NCAPG: variants seen among roughly 807,000 people sequenced by gnomAD.
NCAPG encodes the protein condensin complex subunit 3.
A neutral mutation model predicts 113.1 loss-of-function variants in NCAPG; 69 were observed. The ratio of observed to expected loss-of-function variants is 0.61; its 90% CI spans 0.50 to 0.75. The LOEUF (loss-of-function observed/expected upper bound fraction) is 0.75, where lower values mean the gene tolerates loss of function less well. Among genes scored for constraint, NCAPG ranks in the 30% least tolerant of loss-of-function variants. NCAPG has a pLI of 0.00. For missense variants in NCAPG, 1,058 were observed against 1,177.0 expected (o/e 0.90, Z 1.48); for synonymous variants, 370 against 415.8 (o/e 0.89, Z 1.34).
At chr4:17,834,225 TATTA>T (rs1244348841) in intron 13 of NCAPG, 70 bp from the exon 14 acceptor site, 19 of 955,984 alleles carry the variant, frequency 2.0e-5, no homozygotes, top group South Asian at 4.1e-5. Flanking sequence ...ACAAGATACA[TATTA>T]ATTTTATGTA....
In NCAPG at chr4:17,811,036, G is replaced by T. The variant is rs752136493; in HGVS notation, c.-42G>T. The T allele has an allele frequency of 5.3e-6, 7 of 1,320,272 alleles. No individual in the cohort carries two copies. The South Asian group carries it at 7.4e-5, about 14-fold the overall frequency. 81.8% of individuals were successfully genotyped at this position (1,320,272 alleles called of 1,614,324 possible). ...TGGGTTGGCGGGCTGGCAGGCTGTA[G>T]CCGAGCGCGGGCAGGACTCGTCCCG... On this transcript the variant is annotated 5_prime_UTR_variant, in exon 1 of 21. Transcript: ENST00000251496. This position sits in a 1 kb window ranked among gnomAD's most constrained non-coding sequence, Gnocchi z 5.3.
Position 17,843,378 on chromosome 4 carries a change from A to AAAAGT in NCAPG, c.3005_3009dup (p.Leu1004ValfsTer13). 2 of 1,612,162 alleles carry AAAAGT rather than the reference A, an allele frequency of 1.2e-6. No individual in the cohort carries two copies. Among genetic ancestry groups the AAAAGT allele is most frequent in the Non-Finnish European group, 1.7e-6 (2 of 1,178,394 alleles). On this transcript the variant is annotated frameshift_variant, in exon 21 of 21. Transcript: ENST00000251496. LOFTEE classifies it high-confidence loss of function. ...ACGAGCCAAAACCGCAGCACTAGAA[A>AAAAGT]AAAGTAAACTTAACCTTGCCCAATT... is the stretch of plus-strand genomic sequence containing the variant.
At chr4:17,828,865 G>A (rs1022613896) in intron 12 of NCAPG, among the ~76,000 whole-genome samples, 4 of 151,258 alleles carry the variant, frequency 2.6e-5, no homozygotes, top group African/African-American at 9.7e-5. Context: ...TTCTGATAAG[G>A]AATATAGTGC....
In NCAPG at chr4:17,837,709, G is replaced by A. The variant is rs751787589; in HGVS notation, c.2374G>A (p.Glu792Lys). 7 of 1,614,008 alleles carry A rather than the reference G, an allele frequency of 4.3e-6. No individual in the cohort carries two copies. The Admixed American group carries it at 1.2e-4, about 27-fold the overall frequency. Residue 792 changes from glutamate to lysine, a missense_variant, in exon 16 of 21, where the codon GAA becomes AAA. Physicochemically the swap from Glu to Lys is moderately conservative, Grantham distance 56 (BLOSUM62 1). Transcript: ENST00000251496. Reference protein sequence around the residue: ...ANAPASSPLAEIDITNVAELL... With the variant: ...ANAPASSPLAKIDITNVAELL... ...TGCCCCTGCATCTTCTCCTTTAGCT[G>A]AAATTGATATCACAAATGTTGCTGA...
chr4:17,813,600 A>C (rs1393148798), intron 3 of NCAPG, among the ~76,000 whole-genome samples: 1 of 151,924 alleles, frequency 6.6e-6, no homozygotes, highest in Non-Finnish European at 1.5e-5. Context: ...TGCATTCTTT[A>C]TATATTTTGA....
intron 6 of NCAPG, among the ~76,000 whole-genome samples, chr4:17,817,731 A>C (rs1721272412): frequency 6.6e-6 from 1 of 152,214 alleles, no homozygotes; most frequent in African/African-American, 2.4e-5. Context: ...AAAATCCAGC[A>C]ACATGCACCC....
rs1321199559 is a variant in NCAPG, at chr4:17,818,087, A to C, written c.1117A>C (p.Ser373Arg). 6.9e-6 allele frequency: 11 copies of C among 1,593,702 alleles called. No homozygotes were observed. The highest frequency in any genetic ancestry group is 8.5e-6 in the Non-Finnish European group (10 of 1,172,760). ...TGTAGTATATGCAGACTATTTATTGAGGTAAATTTTTTTTCTTTTAGTTTG... is the reference window on the plus strand; with the variant it reads ...TGTAGTATATGCAGACTATTTATTGCGGTAAATTTTTTTTCTTTTAGTTTG... ...EPVVYADYLLSYIQSIPVVNE... is the reference protein window; with the variant it reads ...EPVVYADYLLRYIQSIPVVNE... The change falls in exon 7 of 21, where the codon AGT (serine) becomes CGT (arginine). Residue 373 changes from serine (S) to arginine (R), a missense_variant and splice_region_variant. Physicochemically the swap from Ser to Arg is moderately radical, Grantham distance 110. Transcript: ENST00000251496.
At chr4:17,828,700 A>G (rs1276249057) in intron 12 of NCAPG, among the ~76,000 whole-genome samples, 2 of 152,110 alleles carry the variant, frequency 1.3e-5, no homozygotes, top group Non-Finnish European at 2.9e-5. Flanking sequence ...AAGAATATTT[A>G]AGTACTGGAA....
Position 17,811,187 on chromosome 4 carries a change from C to A in NCAPG, c.110C>A (p.Thr37Lys), listed in dbSNP as rs1463254514. 9 of 1,473,590 alleles carry A rather than the reference C, an allele frequency of 6.1e-6. No homozygotes were observed. In the South Asian group the frequency reaches 6.5e-5, roughly 11 times the overall value. The allele number at this position is 1,473,590 out of a possible 1,614,324, so 91.3% of individuals were successfully genotyped here. A position where few individuals can be genotyped will look rare whatever the true frequency, so the allele number is the denominator to read the frequency against. Reference sequence around the variant, plus strand: ...GTGGCGCTGAGCCGCACCTACCGCACGGTAAGCGCTCCCGGCCCCGGCCGC... The same window carrying A: ...GTGGCGCTGAGCCGCACCTACCGCAAGGTAAGCGCTCCCGGCCCCGGCCGC... ...LVVALSRTYR[T>K]MDDKTVFHEE... Residue 37 changes from threonine to lysine, a missense_variant and splice_region_variant, in exon 1 of 21, where the codon ACG becomes AAG. Coordinates refer to ENST00000251496, the MANE Select transcript of NCAPG (RefSeq NM_022346.5). The surrounding 1 kb of genome is among the most constrained non-coding windows in gnomAD (Gnocchi z 5.3).
Position 17,839,675 on chromosome 4 carries a change from G to C in NCAPG, c.2467-1G>C. ...CAGAGAATTTTCTCTTAATTTTTTA[G>C]GCCTTAACAGTACATGACAATTTGG... On this transcript the variant is annotated splice_acceptor_variant, in intron 16 of 20. Transcript: ENST00000251496. LOFTEE classifies it high-confidence loss of function. 1 of 1,505,816 alleles carries C rather than the reference G, an allele frequency of 6.6e-7. No individual in the cohort carries two copies. The highest frequency in any genetic ancestry group is 1.4e-5 in the South Asian group (1 of 73,806). 93.3% of individuals were successfully genotyped at this position (1,505,816 alleles called of 1,614,324 possible). A position where few individuals can be genotyped will look rare whatever the true frequency, so the allele number is the denominator to read the frequency against.
chr4:17,842,531 C>CCAT (rs1311891713), intron 20 of NCAPG, 152 bp downstream of exon 20: 1 of 625,592 alleles, frequency 1.6e-6, no homozygotes, highest in South Asian at 2.1e-5. Context: ...GTCTAAAATT[C>CCAT]CATCATCAAG....
Position 17,823,771 on chromosome 4 carries a change from G to A in NCAPG, c.1383+1G>A. On this transcript the variant is annotated splice_donor_variant, in intron 9 of 20. Transcript: ENST00000251496. LOFTEE classifies it high-confidence loss of function. ...AGATGATAATAAGAGAACACAAATT[G>A]TAAGTAATTTTCCTCATTGTTGATA... 1.3e-6 allele frequency: 2 copies of A among 1,589,116 alleles called. No individual in the cohort carries two copies. The highest frequency in any genetic ancestry group is 2.2e-5 in the East Asian group (1 of 44,456).
At chr4:17,815,431 G>A (rs565803509) in intron 5 of NCAPG, 73 bp downstream of exon 5, 136 of 1,120,094 alleles carry the variant, frequency 1.2e-4, no homozygotes, top group Non-Finnish European at 1.6e-4. Context: ...TTTAAGAAAC[G>A]AGTGTCAAAT....
chr4:17,844,518 G>T lies in NCAPG; in HGVS notation c.*1093G>T, dbSNP rs1446450951. On this transcript the variant is annotated 3_prime_UTR_variant, in exon 21 of 21. Transcript: ENST00000251496. ...GTGCCTCATAGAACTTATAAAAGGAGTCAAAGTTTCAAAGCAAGATAGTTA... is the reference window on the plus strand; with the variant it reads ...GTGCCTCATAGAACTTATAAAAGGATTCAAAGTTTCAAAGCAAGATAGTTA... 6.6e-6 allele frequency: 1 copy of T among 152,404 alleles called. No individual in the cohort carries two copies. Among genetic ancestry groups the T allele is most frequent in the Non-Finnish European group, 1.5e-5 (1 of 67,864 alleles). The allele number at this position is 152,404 out of a possible 1,614,324, so 9.4% of individuals were successfully genotyped here. A position where few individuals can be genotyped will look rare whatever the true frequency, so the allele number is the denominator to read the frequency against.
At chr4:17,812,522 A>G in intron 2 of NCAPG, 98 bp downstream of exon 2, 2 of 859,744 alleles carry the variant, frequency 2.3e-6, no homozygotes, top group Non-Finnish European at 3.7e-6. Flanking sequence ...TGAAATATCT[A>G]GTGATTGAAA....
chr4:17,812,237 T>G lies in NCAPG; in HGVS notation c.128T>G (p.Val43Gly). ...GTCTTTCAGATGGATGATAAGACAG[T>G]TTTTCATGAGGAGTTCATTCATTAC... ...RTYRTMDDKT[V>G]FHEEFIHYLK... The change falls in exon 2 of 21, where the codon GTT becomes GGT. Residue 43 changes from valine (V) to glycine (G), a missense_variant. Val to Gly is a moderately radical substitution (Grantham distance 109, BLOSUM62 -3). Coordinates refer to ENST00000251496, the MANE Select transcript of NCAPG (RefSeq NM_022346.5). The G allele has an allele frequency of 6.2e-7, 1 of 1,612,490 alleles. No individual in the cohort carries two copies.
At chr4:17,825,348 G>T in intron 10 of NCAPG, 34 bp from the exon 11 acceptor site, 1 of 1,532,356 alleles carries the variant, frequency 6.5e-7, no homozygotes, top group Non-Finnish European at 8.8e-7. Flanking sequence ...AACAGTTTTT[G>T]TTCAGTGTTG....
At chr4:17,833,286 C>G (rs1488128175) in intron 13 of NCAPG, among the ~76,000 whole-genome samples, 1 of 150,342 alleles carries the variant, frequency 6.7e-6, no homozygotes, top group Non-Finnish European at 1.5e-5. Flanking sequence ...CAGGAGAAAC[C>G]CCCATCTACT....
chr4:17,835,484 G>T lies in NCAPG; in HGVS notation c.2109+961G>T, dbSNP rs1259583928. Among the ~76,000 whole-genome samples, 4 of 152,256 alleles carry T rather than the reference G, an allele frequency of 2.6e-5. No individual in the cohort carries two copies. The East Asian group carries it at 7.7e-4, about 29-fold the overall frequency. Reference sequence around the variant, plus strand: ...TGGGATTACAAGTGTGAGCCCTCGTGCCTGGCCCAAACTAATACTGTTAAT... The same window carrying T: ...TGGGATTACAAGTGTGAGCCCTCGTTCCTGGCCCAAACTAATACTGTTAAT... On this transcript the variant is annotated intron_variant, in intron 14 of 20. Transcript: ENST00000251496.
Sources: allele counts gnomAD v4.1 joint callset (sites outside exome capture counted in the v4.1 genomes callset), GRCh38; gene constraint gnomAD v4.1.1; non-coding constraint Gnocchi (gnomAD v3.1); transcripts MANE v1.5; gene names NCBI Gene and HGNC (gene_info 2026-07-23, HGNC 2026-07-21).